Variants in EIF3H observed in about 807,000 individuals in gnomAD.
The protein encoded by EIF3H is eIF-3-gamma.
Under a neutral mutation model 44.2 loss-of-function variants are expected in EIF3H, and 26 were observed. That is an observed-to-expected ratio of 0.59 (90% CI 0.43 to 0.82). The LOEUF is 0.82. Among genes scored for constraint, EIF3H ranks in the 40% least tolerant of loss-of-function variants. The probability of loss-of-function intolerance (pLI) is 0.00; values close to 1 mark genes in which losing one functional copy is unlikely to be tolerated. For missense variants in EIF3H, 359 were observed against 432.8 expected (o/e 0.83, Z 1.51); for synonymous variants, 166 against 151.9 (o/e 1.09, Z -0.68).
At chr8:116,675,589 A>C (rs545254640) in intron 2 of EIF3H, among the ~76,000 whole-genome samples, 1 of 152,332 alleles carries the variant, frequency 6.6e-6, no homozygotes, top group East Asian at 1.9e-4. Flanking sequence ...CTGAACACTG[A>C]TTTAAGCACT....
intron 2 of EIF3H, among the ~76,000 whole-genome samples, chr8:116,668,779 G>C (rs1303982746): frequency 6.6e-6 from 1 of 152,182 alleles, no homozygotes; most frequent in Non-Finnish European, 1.5e-5. Context: ...TCATAAGGCA[G>C]TTAAGATTGA....
At chr8:116,712,794 T>C (rs1814596765) in intron 2 of EIF3H, among the ~76,000 whole-genome samples, 1 of 152,056 alleles carries the variant, frequency 6.6e-6, no homozygotes, top group African/African-American at 2.4e-5. Context: ...TAGCACTCTT[T>C]TAGGATGAAG....
chr8:116,720,571 G>C (rs886919680), intron 2 of EIF3H, among the ~76,000 whole-genome samples: 1 of 152,140 alleles, frequency 6.6e-6, no homozygotes, highest in Non-Finnish European at 1.5e-5. Flanking sequence ...GTAAATACCC[G>C]AAAATGTGGA....
chr8:116,766,311 C>T, upstream of EIF3H: 1 of 358,894 alleles, frequency 2.8e-6, no homozygotes, highest in South Asian at 4.8e-5. Context: ...TACCGTGGCC[C>T]CAGACTGCGC....
rs1362863850 is a variant in EIF3H, at chr8:116,739,620, A to G, written c.133-13448T>C. On this transcript the variant is annotated intron_variant, in intron 1 of 7. Transcript: ENST00000521861. ...AGCCGAGATGGTGCCACTGCACTCC[A>G]GCCTGGGCAACAGAGCGAGACTCCG... Among the ~76,000 whole-genome samples the G allele has an allele frequency of 3.3e-5, 5 of 152,368 alleles. No homozygotes were observed. The East Asian group carries it at 9.6e-4, about 29-fold the overall frequency.
intron 1 of EIF3H, 114 bp from the exon 2 acceptor site, chr8:116,726,286 T>C: frequency 1.8e-6 from 2 of 1,099,584 alleles, no homozygotes; most frequent in Non-Finnish European, 2.5e-6. Context: ...ACAAATTAAA[T>C]AAGAGGAATA....
At chr8:116,722,308 C>T (rs1156645318) in intron 2 of EIF3H, among the ~76,000 whole-genome samples, 4 of 152,218 alleles carry the variant, frequency 2.6e-5, no homozygotes, top group Non-Finnish European at 4.4e-5. Context: ...GATTGTGAGG[C>T]CTTCCCAGCC....
chr8:116,748,973 G>A (rs1815284865), intron 1 of EIF3H, among the ~76,000 whole-genome samples: 1 of 152,120 alleles, frequency 6.6e-6, no homozygotes, highest in Non-Finnish European at 1.5e-5. Context: ...ATCCATGGAT[G>A]TGAGATTGCT....
chr8:116,766,343 C>T, upstream of EIF3H: 1 of 406,014 alleles, frequency 2.5e-6, no homozygotes, highest in Non-Finnish European at 4.4e-6. Context: ...CGTGCGGAAT[C>T]GCGCACCCCA....
intron 2 of EIF3H, among the ~76,000 whole-genome samples, chr8:116,660,014 G>A (rs764694100): frequency 2.6e-5 from 4 of 152,058 alleles, no homozygotes; most frequent in Non-Finnish European, 5.9e-5. Context: ...AGCCTCCCAA[G>A]TAGCTGGGAC....
At chr8:116,647,515 T>G (rs987443636) in intron 6 of EIF3H, among the ~76,000 whole-genome samples, 1 of 152,232 alleles carries the variant, frequency 6.6e-6, no homozygotes, top group Non-Finnish European at 1.5e-5. Flanking sequence ...ATTCCTATGA[T>G]TCGCTGAAGA....
chr8:116,679,213 G>A (rs1172464687), intron 2 of EIF3H, among the ~76,000 whole-genome samples: 576 of 71,584 alleles, frequency 8.0e-3, no homozygotes, highest in African/African-American at 0.03. Context: ...TCCGGGAGGT[G>A]AGGGGCGCCT....
rs1813345972 is a variant in EIF3H at position 116,648,855 on chromosome 8, T to C, written c.779A>G (p.Tyr260Cys). 1.9e-6 allele frequency: 3 copies of C among 1,612,498 alleles called. No individual in the cohort carries two copies. The highest frequency in any genetic ancestry group is 1.7e-5 in the Admixed American group (1 of 59,732). Residue 260 changes from tyrosine (Y) to cysteine (C), a missense_variant, in exon 6 of 8, where the codon TAC becomes TGC. By Grantham distance (194) the Tyr-to-Cys change is radical. Coordinates refer to ENST00000521861, the MANE Select transcript of EIF3H (RefSeq NM_003756.3). ...VDEMSQDIVK[Y>C]NTYMRNTSKQ... ...ACTAGTATTCCTCATGTATGTGTTGTATTTAACTATATCTTGGCTCATTTC... is the reference window on the plus strand; with the variant it reads ...ACTAGTATTCCTCATGTATGTGTTGCATTTAACTATATCTTGGCTCATTTC...
intron 2 of EIF3H, among the ~76,000 whole-genome samples, chr8:116,700,758 C>T (rs73324060): frequency 0.04 from 6,092 of 152,170 alleles, 421 homozygotes; most frequent in African/African-American, 0.14. Context: ...GGTTGGGGTT[C>T]AGGGAGTCCA....
intron 2 of EIF3H, among the ~76,000 whole-genome samples, chr8:116,687,097 A>G (rs1814091070): frequency 6.6e-6 from 1 of 152,166 alleles, no homozygotes; most frequent in Admixed American, 6.5e-5. Flanking sequence ...AAAAAGGAAA[A>G]GACTTGGATG....
At chr8:116,743,189 C>T (rs1053667496) in intron 1 of EIF3H, among the ~76,000 whole-genome samples, 3 of 152,196 alleles carry the variant, frequency 2.0e-5, no homozygotes, top group Non-Finnish European at 4.4e-5. Flanking sequence ...GTGGCTCACA[C>T]CTGTAATACT....
intron 3 of EIF3H, 109 bp from the exon 4 acceptor site, chr8:116,657,423 A>T: frequency 1.3e-6 from 1 of 782,920 alleles, no homozygotes; most frequent in South Asian, 1.6e-5. Flanking sequence ...TTTGCAAAAT[A>T]AAGATCAAAA....
chr8:116,748,377 G>A (rs1287373242), intron 1 of EIF3H, among the ~76,000 whole-genome samples: 2 of 152,120 alleles, frequency 1.3e-5, no homozygotes, highest in African/African-American at 4.8e-5. Flanking sequence ...TATAATAGGT[G>A]TCCAATTAAT....
chr8:116,757,274 CTG>C (rs1491333153), upstream of EIF3H, among the ~76,000 whole-genome samples: 3 of 148,132 alleles, frequency 2.0e-5, no homozygotes, highest in Non-Finnish European at 3.0e-5. Flanking sequence ...AGAGGTACAA[CTG>C]AGAGAGAGAG....
Sources: allele counts gnomAD v4.1 joint callset (sites outside exome capture counted in the v4.1 genomes callset), GRCh38; gene constraint gnomAD v4.1.1; transcripts MANE v1.5; gene names NCBI Gene and HGNC (gene_info 2026-07-23, HGNC 2026-07-21).